The following POLI variants were observed in gnomAD, a reference collection of about 807,000 sequenced individuals.
The protein encoded by POLI is DNA polymerase iota.
Under a neutral mutation model 51.6 loss-of-function variants are expected in POLI, and 58 were observed. The ratio of observed to expected loss-of-function variants is 1.12; its 90% CI spans 0.91 to 1.40. The LOEUF (loss-of-function observed/expected upper bound fraction) is 1.40. Among genes scored for constraint, POLI ranks in the 40% most tolerant of loss-of-function variants. POLI has a pLI of 0.00. For missense variants in POLI, 921 were observed against 871.3 expected (o/e 1.06, Z -0.72); for synonymous variants, 322 against 299.7 (o/e 1.07, Z -0.77).
At chr18:54,306,948 A>G (rs978577038) in intron 3 of POLI, among the ~76,000 whole-genome samples, 6 of 151,998 alleles carry the variant, frequency 3.9e-5, no homozygotes, top group Non-Finnish European at 7.4e-5. Flanking sequence ...TATTGCATCT[A>G]TTTGATTCTT....
At chr18:54,274,639 A>G (rs966972060) in intron 3 of POLI, among the ~76,000 whole-genome samples, 1 of 152,068 alleles carries the variant, frequency 6.6e-6, no homozygotes, top group Non-Finnish European at 1.5e-5. Flanking sequence ...TTAGTGTTAT[A>G]GTAAATTACA....
Position 54,295,880 on chromosome 18 carries a change from G to A in POLI, c.*1413G>A. 1 of 787,386 alleles carries A rather than the reference G, an allele frequency of 1.3e-6. No individual in the cohort carries two copies. Among genetic ancestry groups the A allele is most frequent in the Non-Finnish European group, 1.5e-6 (1 of 649,260 alleles). The allele number at this position is 787,386 out of a possible 1,614,324, so 48.8% of individuals were successfully genotyped here. A position where few individuals can be genotyped will look rare whatever the true frequency, so the allele number is the denominator to read the frequency against. On this transcript the variant is annotated 3_prime_UTR_variant, in exon 10 of 10. Coordinates refer to ENST00000579534, the MANE Select transcript of POLI (RefSeq NM_007195.3). Reference sequence around the variant, plus strand: ...TGGTCTCAGGTGATCCTCCACCTTGGCCTCCCAAAGTGCTGGGATTACAGG... The same window carrying A: ...TGGTCTCAGGTGATCCTCCACCTTGACCTCCCAAAGTGCTGGGATTACAGG...
chr18:54,279,920 A>C (rs2087423337), intron 4 of POLI, among the ~76,000 whole-genome samples: 1 of 152,228 alleles, frequency 6.6e-6, no homozygotes, highest in Non-Finnish European at 1.5e-5. Context: ...TTCTATGCCT[A>C]CTTACGGGTA....
rs933621726 is a variant in POLI, at chr18:54,313,898, G to A, written c.334-6375G>A. ...ATATATAATCATATTGTCTGCAAAC[G>A]GGGATAGTTTGACTTCCTCTCTGGC... On this transcript the variant is annotated intron_variant, in intron 3 of 4. Transcript: ENST00000579823. 5.3e-5 allele frequency among the ~76,000 whole-genome samples: 8 copies of A among 152,168 alleles called. No individual in the cohort carries two copies. The South Asian group carries it at 6.2e-4, about 12-fold the overall frequency.
rs777088481 is a variant in POLI, at chr18:54,274,103, A to C, written c.406+13A>C. On this transcript the variant is annotated intron_variant, in intron 3 of 9. Transcript: ENST00000579534. ...TATAAGGTTACAGGTACAAATGATA[A>C]GCAATGTACTTTTAGCATTAATTTT... The C allele has an allele frequency of 1.5e-6, 2 of 1,336,412 alleles. No homozygotes were observed. Among genetic ancestry groups the C allele is most frequent in the Non-Finnish European group, 2.0e-6 (2 of 1,023,914 alleles). The allele number at this position is 1,336,412 out of a possible 1,614,324, so 82.8% of individuals were successfully genotyped here.
At chr18:54,287,139 A>G (rs974977619) in intron 7 of POLI, 142 bp from the exon 8 acceptor site, 1 of 532,836 alleles carries the variant, frequency 1.9e-6, no homozygotes, top group Admixed American at 3.2e-5. Flanking sequence ...AGGGACCTTT[A>G]TTGCTTACTA....
intron 9 of POLI, 53 bp downstream of exon 9, chr18:54,292,091 T>TA: frequency 2.8e-6 from 3 of 1,066,972 alleles, no homozygotes; most frequent in Non-Finnish European, 4.2e-6. Flanking sequence ...ATGGGATTTG[T>TA]GTGGTTACAT....
chr18:54,297,773 T>G lies in POLI; in HGVS notation c.*3306T>G. The G allele has an allele frequency of 1.0e-6, 1 of 962,144 alleles. No homozygotes were observed. The highest frequency in any genetic ancestry group is 4.8e-5 in the South Asian group (1 of 20,852). 59.6% of individuals were successfully genotyped at this position (962,144 alleles called of 1,614,324 possible). ...AAAGGTATTGAAATAACATTAATTC[T>G]AATTAAATTCCACAAGTTCTTTATT... is the stretch of plus-strand genomic sequence containing the variant. On this transcript the variant is annotated 3_prime_UTR_variant, in exon 10 of 10. Transcript: ENST00000579534.
intron 7 of POLI, 146 bp from the exon 8 acceptor site, chr18:54,287,135 C>T (rs964886371): frequency 3.8e-6 from 2 of 521,960 alleles, no homozygotes; most frequent in African/African-American, 3.9e-5. Flanking sequence ...ACTCAGGGAC[C>T]TTTATTGCTT....
chr18:54,269,748 G>GGGCGCGACCGTCCCCGCCCCACTC (rs1174325414), intron 1 of POLI, 87 bp downstream of exon 1: 33 of 1,404,866 alleles, frequency 2.3e-5, no homozygotes, highest in Non-Finnish European at 2.9e-5. Context: ...GCGGCCACTG[G>GGGCGCGACCGTCCCCGCCCCACTC]GGCGCGACCG....
In POLI at chr18:54,294,819, T is replaced by A; in HGVS notation, c.*352T>A. On this transcript the variant is annotated 3_prime_UTR_variant, in exon 10 of 10. Transcript: ENST00000579534. Reference sequence around the variant, plus strand: ...CAATGATATGGTAAAGGACACATTTTTTTTTTTTTTTTCCTGTGAAATGTG... The same window carrying A: ...CAATGATATGGTAAAGGACACATTTATTTTTTTTTTTTCCTGTGAAATGTG... The A allele has an allele frequency of 5.5e-6, 4 of 728,264 alleles. No individual in the cohort carries two copies. Among genetic ancestry groups the A allele is most frequent in the Non-Finnish European group, 6.5e-6 (4 of 612,394 alleles). 45.1% of individuals were successfully genotyped at this position (728,264 alleles called of 1,614,324 possible).
intron 3 of POLI, among the ~76,000 whole-genome samples, chr18:54,318,330 T>C (rs1356846175): frequency 5.7e-4 from 87 of 152,200 alleles, no homozygotes; most frequent in Non-Finnish European, 1.2e-4. Flanking sequence ...CTATTTTTAC[T>C]TATTTTAAAA....
intron 7 of POLI, among the ~76,000 whole-genome samples, chr18:54,286,088 T>C (rs546098185): frequency 2.1e-4 from 32 of 152,278 alleles, no homozygotes; most frequent in African/African-American, 7.2e-4. Flanking sequence ...GGTCTTGAAC[T>C]CCTGGGCTCA....
At chr18:54,281,871 C>T (rs1361614764) in intron 5 of POLI, among the ~76,000 whole-genome samples, 1 of 151,874 alleles carries the variant, frequency 6.6e-6, no homozygotes, top group Non-Finnish European at 1.5e-5. Flanking sequence ...TAGCCATCTC[C>T]TCCAACTTAC....
At chr18:54,311,319 C>T (rs1225446969) in intron 3 of POLI, among the ~76,000 whole-genome samples, 2 of 151,968 alleles carry the variant, frequency 1.3e-5, no homozygotes, top group African/African-American at 2.4e-5. Context: ...TTTTTGCTAG[C>T]CATCAGAAAT....
chr18:54,288,432 A>G (rs1568136191), intron 8 of POLI, among the ~76,000 whole-genome samples: 1 of 152,124 alleles, frequency 6.6e-6, no homozygotes, highest in African/African-American at 2.4e-5. Flanking sequence ...TTTGCTTTGC[A>G]TGTGGGTATC....
chr18:54,306,911 G>A (rs956804519), intron 3 of POLI, among the ~76,000 whole-genome samples: 9 of 151,946 alleles, frequency 5.9e-5, no homozygotes, highest in Non-Finnish European at 1.2e-4. Context: ...CTATGGGATC[G>A]GTAGTGATAT....
intron 3 of POLI, among the ~76,000 whole-genome samples, chr18:54,312,946 T>C (rs545623631): frequency 3.3e-5 from 5 of 152,342 alleles, no homozygotes; most frequent in African/African-American, 9.6e-5. Context: ...GCAGAAACTC[T>C]TTAGTTTAAT....
chr18:54,310,958 A>C (rs1357598056), intron 3 of POLI: 1 of 175,316 alleles, frequency 5.7e-6, no homozygotes, highest in Non-Finnish European at 1.1e-5. Context: ...GGATCTCGTT[A>C]TGTTGCCCAG....
Sources: gnomAD v4.1 joint callset for allele counts (sites outside exome capture counted in the v4.1 genomes callset) on GRCh38, gnomAD v4.1.1 for gene constraint, MANE v1.5 for transcripts, NCBI Gene and HGNC (gene_info 2026-07-23, HGNC 2026-07-21) for gene names.